The following ZEB1 variants were observed in gnomAD, a reference collection of about 807,000 sequenced individuals.
ZEB1 encodes the protein zinc finger E-box binding homeobox 1.
In ZEB1, 21 loss-of-function variants were observed where a neutral mutation model predicts 84.9. That is an observed-to-expected ratio of 0.25 (90% CI 0.18 to 0.36). ZEB1 has a LOEUF of 0.36. Ranked by LOEUF, ZEB1 falls within the 10% of genes least tolerant of loss-of-function variation. The pLI is 1.00. For missense variants in ZEB1, 1,104 were observed against 1,330.2 expected (o/e 0.83, Z 2.65); for synonymous variants, 420 against 471.1 (o/e 0.89, Z 1.41).
chr10:31,431,701 A>G (rs2057733802), intron 1 of ZEB1, among the ~76,000 whole-genome samples: 1 of 152,188 alleles, frequency 6.6e-6, no homozygotes, highest in Non-Finnish European at 1.5e-5. Flanking sequence ...TAATCATTTT[A>G]TTATTTATGG....
intron 2 of ZEB1, among the ~76,000 whole-genome samples, chr10:31,467,001 C>G (rs1281200305): frequency 2.0e-5 from 3 of 152,090 alleles, no homozygotes; most frequent in African/African-American, 7.2e-5. Context: ...CTCACACTTT[C>G]AACAGATCTT....
At chr10:31,321,494 T>A in intron 1 of ZEB1, 1 of 1,614,068 alleles carries the variant, frequency 6.2e-7, no homozygotes, top group East Asian at 2.2e-5. Flanking sequence ...TGTTCCATAT[T>A]GAGCTGTTGC....
At chr10:31,436,784 G>C (rs537250546) in intron 1 of ZEB1, among the ~76,000 whole-genome samples, 1 of 151,958 alleles carries the variant, frequency 6.6e-6, no homozygotes, top group Non-Finnish European at 1.5e-5. Flanking sequence ...TTTAAAGTAC[G>C]TTTAAAATAC....
intron 7 of ZEB1, among the ~76,000 whole-genome samples, chr10:31,522,545 T>G (rs895711642): frequency 1.3e-5 from 2 of 152,164 alleles, no homozygotes; most frequent in Admixed American, 6.5e-5. Context: ...TGCATTTTCC[T>G]CCTTAACTAT....
At chr10:31,425,814 A>G (rs989213169) in intron 1 of ZEB1, among the ~76,000 whole-genome samples, 2 of 152,082 alleles carry the variant, frequency 1.3e-5, no homozygotes, top group African/African-American at 4.8e-5. Context: ...TTAAGGGTAT[A>G]TTTTTCTAGA....
At chr10:31,446,832 A>T (rs1564895075) in intron 1 of ZEB1, among the ~76,000 whole-genome samples, 1 of 151,110 alleles carries the variant, frequency 6.6e-6, no homozygotes, top group Non-Finnish European at 1.5e-5. Flanking sequence ...TTTACTTCCA[A>T]GTATGTGGTC....
At chr10:31,430,735 T>G (rs904771436) in intron 1 of ZEB1, among the ~76,000 whole-genome samples, 2 of 152,160 alleles carry the variant, frequency 1.3e-5, no homozygotes, top group Non-Finnish European at 2.9e-5. Flanking sequence ...AATAAATCAG[T>G]CTATGGAAAT....
Position 31,495,757 on chromosome 10 carries a change from A to AT in ZEB1, c.260-16dup. The AT allele has an allele frequency of 6.2e-7, 1 of 1,612,394 alleles. No individual in the cohort carries two copies. Among genetic ancestry groups the AT allele is most frequent in the Admixed American group, 1.7e-5 (1 of 59,952 alleles). ...TTAGGAACACTATAGATCTATTTTA[A>AT]TTTCTTCTTTGATTTCAGCAGGAAA... On this transcript the variant is annotated intron_variant, in intron 2 of 8. Transcript: ENST00000424869.
At chr10:31,324,206 A>G (rs1031460721) in intron 1 of ZEB1, among the ~76,000 whole-genome samples, 1 of 152,038 alleles carries the variant, frequency 6.6e-6, no homozygotes, top group Non-Finnish European at 1.5e-5. Context: ...CCTGATATAA[A>G]AAGCATGTGA....
intron 1 of ZEB1, among the ~76,000 whole-genome samples, chr10:31,436,615 G>C (rs2058323456): frequency 6.6e-6 from 1 of 152,046 alleles, no homozygotes; most frequent in African/African-American, 2.4e-5. Flanking sequence ...TCTTCAAGTG[G>C]CTTCTGTAAG....
At chr10:31,355,720 A>G (rs1439352613) in intron 1 of ZEB1, among the ~76,000 whole-genome samples, 2 of 152,146 alleles carry the variant, frequency 1.3e-5, no homozygotes, top group South Asian at 2.1e-4. Context: ...TACAAAAGTA[A>G]AAGGAAGAAC....
chr10:31,409,532 T>A (rs2053828081), intron 1 of ZEB1, among the ~76,000 whole-genome samples: 1 of 152,194 alleles, frequency 6.6e-6, no homozygotes, highest in Admixed American at 6.5e-5. Context: ...AAGTGGTTTT[T>A]TCTAATTCTG....
intron 2 of ZEB1, among the ~76,000 whole-genome samples, chr10:31,489,328 T>C (rs898318137): frequency 5.3e-5 from 8 of 151,440 alleles, no homozygotes; most frequent in African/African-American, 1.9e-4. Flanking sequence ...TGATAGAATT[T>C]TTTATCCTTT....
intron 8 of ZEB1, among the ~76,000 whole-genome samples, chr10:31,525,588 C>A (rs533831444): frequency 6.6e-6 from 1 of 152,314 alleles, no homozygotes; most frequent in East Asian, 1.9e-4. Flanking sequence ...AATCCCCTAC[C>A]TGCTCTTCCC....
At chr10:31,509,809 A>T (rs2069647742) in intron 4 of ZEB1, among the ~76,000 whole-genome samples, 1 of 152,242 alleles carries the variant, frequency 6.6e-6, no homozygotes, top group Non-Finnish European at 1.5e-5. Flanking sequence ...AATGTCAAAT[A>T]TGGAAAACTA....
intron 1 of ZEB1, among the ~76,000 whole-genome samples, chr10:31,458,535 T>C (rs11813456): frequency 0.016 from 2,457 of 152,156 alleles, 65 homozygotes; most frequent in African/African-American, 0.057. Flanking sequence ...TTTTCCATCT[T>C]GACACGTATT....
At chr10:31,468,610 A>G (rs895116483) in intron 2 of ZEB1, among the ~76,000 whole-genome samples, 1 of 152,318 alleles carries the variant, frequency 6.6e-6, no homozygotes, top group Middle Eastern at 3.4e-3. Context: ...GCATACCACT[A>G]CTACAAACTA....
At chr10:31,503,378 A>G (rs1471737310) in intron 4 of ZEB1, among the ~76,000 whole-genome samples, 2 of 152,104 alleles carry the variant, frequency 1.3e-5, no homozygotes, top group African/African-American at 4.8e-5. Context: ...ATTTTGAAGT[A>G]TTCTGTCATA....
At chr10:31,334,065 T>C (rs2037438808) in intron 1 of ZEB1, among the ~76,000 whole-genome samples, 1 of 151,918 alleles carries the variant, frequency 6.6e-6, no homozygotes, top group Non-Finnish European at 1.5e-5. Flanking sequence ...GCAGAAGAAA[T>C]AGGTAAATTT....
Sources: allele counts gnomAD v4.1 joint callset (sites outside exome capture counted in the v4.1 genomes callset), GRCh38; gene constraint gnomAD v4.1.1; transcripts MANE v1.5; gene names NCBI Gene and HGNC (gene_info 2026-07-23, HGNC 2026-07-21).